Variants in ERI3 observed in about 807,000 individuals in gnomAD.
The protein encoded by ERI3 is ERI1 exoribonuclease 3.
Under a neutral mutation model 44.4 loss-of-function variants are expected in ERI3, and 18 were observed. The ratio of observed to expected loss-of-function variants is 0.41; its 90% CI spans 0.28 to 0.60. The LOEUF (loss-of-function observed/expected upper bound fraction) is 0.60, where lower values mean the gene tolerates loss of function less well. ERI3 is among the 20% of genes least tolerant of loss of function. ERI3 has a pLI of 0.36. For missense variants in ERI3, 294 were observed against 435.5 expected (o/e 0.68, Z 2.89); for synonymous variants, 183 against 164.8 (o/e 1.11, Z -0.84).
intron 2 of ERI3, among the ~76,000 whole-genome samples, chr1:44,347,617 G>GT (rs1646810479): frequency 6.6e-6 from 1 of 152,030 alleles, no homozygotes; most frequent in African/African-American, 2.4e-5. Flanking sequence ...AAAGCTAATT[G>GT]TTTAAGTATG....
intron 8 of ERI3, among the ~76,000 whole-genome samples, chr1:44,237,906 C>G (rs955431473): frequency 6.6e-6 from 1 of 152,046 alleles, no homozygotes; most frequent in Non-Finnish European, 1.5e-5. Flanking sequence ...TCCCGGCGGC[C>G]GGCAGCACTA....
At chr1:44,306,494 A>G (rs911978676) in intron 6 of ERI3, among the ~76,000 whole-genome samples, 1 of 152,084 alleles carries the variant, frequency 6.6e-6, no homozygotes, top group East Asian at 1.9e-4. Context: ...TTTCTTGATG[A>G]TATCATTTTT....
At position 44,241,793 on chromosome 1, in the gene ERI3, A is replaced by T; in HGVS notation, c.931+6146T>A. 3.5e-6 allele frequency: 1 copy of T among 283,676 alleles called. No homozygotes were observed. The highest frequency in any genetic ancestry group is 5.2e-6 in the Non-Finnish European group (1 of 192,958). 17.6% of individuals were successfully genotyped at this position (283,676 alleles called of 1,614,324 possible). A position where few individuals can be genotyped will look rare whatever the true frequency, so the allele number is the denominator to read the frequency against. On this transcript the variant is annotated intron_variant, in intron 8 of 8. Transcript: ENST00000372257. This position sits in a 1 kb window ranked among gnomAD's most constrained non-coding sequence, Gnocchi z 5.6. ...CAAAGATTGTACTTCCTAAAGAATCAAACACACATAACACATACATACATA... is the reference window on the plus strand; with the variant it reads ...CAAAGATTGTACTTCCTAAAGAATCTAACACACATAACACATACATACATA...
chr1:44,234,333 G>T (rs910756814), intron 8 of ERI3, among the ~76,000 whole-genome samples: 9 of 152,090 alleles, frequency 5.9e-5, no homozygotes, highest in Non-Finnish European at 1.3e-4. Context: ...CTTCCATGGT[G>T]TCCTTTTAAA....
intron 3 of ERI3, among the ~76,000 whole-genome samples, chr1:44,326,745 C>A (rs995317563): frequency 6.6e-6 from 1 of 152,164 alleles, no homozygotes; most frequent in African/African-American, 2.4e-5. Flanking sequence ...AAAATCGGAG[C>A]TTTAAAAGGC....
intron 7 of ERI3, 62 bp from the exon 8 acceptor site, chr1:44,248,100 A>T: frequency 8.7e-7 from 1 of 1,151,340 alleles, no homozygotes; most frequent in Non-Finnish European, 1.3e-6. Flanking sequence ...CCCCACTCAC[A>T]AGGTCTTCCC....
chr1:44,258,535 C>T (rs1644825190), intron 7 of ERI3, among the ~76,000 whole-genome samples: 1 of 152,176 alleles, frequency 6.6e-6, no homozygotes, highest in Admixed American at 6.5e-5. Context: ...ATGTGCCAAG[C>T]CCTGTGCTGG....
At chr1:44,352,760 C>T in intron 2 of ERI3, 90 bp downstream of exon 2, 2 of 1,397,890 alleles carry the variant, frequency 1.4e-6, no homozygotes, top group Admixed American at 4.2e-5. Context: ...AAAAAAAATA[C>T]AATCTGCATC....
Position 44,241,850 on chromosome 1 carries a change from ACAG to A in ERI3, c.931+6086_931+6088del. The A allele has an allele frequency of 2.1e-6, 1 of 480,690 alleles. No homozygotes were observed. Among genetic ancestry groups the A allele is most frequent in the Non-Finnish European group, 2.7e-6 (1 of 369,522 alleles). 29.8% of individuals were successfully genotyped at this position (480,690 alleles called of 1,614,324 possible). A position where few individuals can be genotyped will look rare whatever the true frequency, so the allele number is the denominator to read the frequency against. On this transcript the variant is annotated intron_variant, in intron 8 of 8. Coordinates refer to ENST00000372257, the MANE Select transcript of ERI3 (RefSeq NM_024066.3). The surrounding 1 kb of genome is among the most constrained non-coding windows in gnomAD (Gnocchi z 5.6). ...TACATACATACATACATACATACATACAGGAGAACCTTCTTCCATCCATCTGTC... is the reference window on the plus strand; with the variant it reads ...TACATACATACATACATACATACATAGAGAACCTTCTTCCATCCATCTGTC...
intron 4 of ERI3, among the ~76,000 whole-genome samples, chr1:44,315,698 G>A (rs538306318): frequency 1.3e-5 from 2 of 152,356 alleles, no homozygotes; most frequent in South Asian, 4.1e-4. Flanking sequence ...AGCTCCTCAA[G>A]GATTTGCATT....
intron 7 of ERI3, among the ~76,000 whole-genome samples, chr1:44,251,317 G>A (rs1439426733): frequency 6.6e-5 from 10 of 152,204 alleles, no homozygotes; most frequent in Admixed American, 5.2e-4. Flanking sequence ...CAAATGCATC[G>A]GACTTGCCCT....
Position 44,221,830 on chromosome 1 carries a change from A to G in ERI3, c.932-190T>C, listed in dbSNP as rs1643904828. On this transcript the variant is annotated intron_variant, in intron 8 of 8. Transcript: ENST00000372257. The surrounding 1 kb of genome is among the most constrained non-coding windows in gnomAD (Gnocchi z 5.9). ...GTCTGGGTGATGCTGGGCCGGCAGG[A>G]AGCCTGGTCTCGATGCTTCTCAGTT... 6.6e-6 allele frequency among the ~76,000 whole-genome samples: 1 copy of G among 152,118 alleles called. No homozygotes were observed. The highest frequency in any genetic ancestry group is 1.5e-5 in the Non-Finnish European group (1 of 68,028).
At chr1:44,255,983 C>T (rs866983695) in intron 7 of ERI3, among the ~76,000 whole-genome samples, 27 of 152,164 alleles carry the variant, frequency 1.8e-4, no homozygotes, top group African/African-American at 5.8e-4. Context: ...TCTTTCCTGG[C>T]TCATCCCTCC....
In ERI3 at chr1:44,355,124, G is replaced by T. The variant is rs1317979924; in HGVS notation, c.-98C>A. 4.9e-6 allele frequency: 6 copies of T among 1,234,210 alleles called. No individual in the cohort carries two copies. In the East Asian group the frequency reaches 1.9e-4, roughly 40 times the overall value. The allele number at this position is 1,234,210 out of a possible 1,614,324, so 76.5% of individuals were successfully genotyped here. ...CAGCAAGCGCTCAGGGCAGTTGGCG[G>T]CGGCGGGCGCGGCCCGCGCCGACTG... On this transcript the variant is annotated 5_prime_UTR_variant, in exon 1 of 9. Coordinates refer to ENST00000372257, the MANE Select transcript of ERI3 (RefSeq NM_024066.3).
chr1:44,248,190 C>A, intron 7 of ERI3, 152 bp from the exon 8 acceptor site: 1 of 555,530 alleles, frequency 1.8e-6, no homozygotes, highest in African/African-American at 1.9e-5. Context: ...CCAGGTCCTC[C>A]CCAGACCCAG....
chr1:44,272,737 C>T (rs962871415), intron 7 of ERI3, among the ~76,000 whole-genome samples: 5 of 151,732 alleles, frequency 3.3e-5, no homozygotes, highest in African/African-American at 9.7e-5. Flanking sequence ...GCTACTCTGG[C>T]GGCTGAGCAT....
chr1:44,328,242 A>C (rs1646355349), intron 3 of ERI3, among the ~76,000 whole-genome samples: 1 of 120,456 alleles, frequency 8.3e-6, no homozygotes, highest in African/African-American at 3.2e-5. Context: ...CCCGCAATGC[A>C]CTGAACACAT....
intron 2 of ERI3, among the ~76,000 whole-genome samples, chr1:44,349,537 A>G (rs1646850473): frequency 6.6e-6 from 1 of 152,108 alleles, no homozygotes; most frequent in African/African-American, 2.4e-5. Context: ...TTTAGTTGTA[A>G]ATTCCTCCTG....
At chr1:44,224,613 G>A (rs769922561) in intron 8 of ERI3, among the ~76,000 whole-genome samples, 1 of 152,222 alleles carries the variant, frequency 6.6e-6, no homozygotes, top group Non-Finnish European at 1.5e-5. Flanking sequence ...TGCTTGGAAT[G>A]CCTCCTCTTT....
Sources: gnomAD v4.1 joint callset for allele counts (sites outside exome capture counted in the v4.1 genomes callset) on GRCh38, gnomAD v4.1.1 for gene constraint, Gnocchi (gnomAD v3.1) non-coding constraint, MANE v1.5 for transcripts, NCBI Gene and HGNC (gene_info 2026-07-23, HGNC 2026-07-21) for gene names.